Variants in ERC1 observed in about 807,000 individuals in gnomAD.
ERC1 encodes ELKS/RAB6-interacting/CAST family member 1.
A neutral mutation model predicts 132.0 loss-of-function variants in ERC1; 56 were observed. The ratio of observed to expected loss-of-function variants is 0.42; its 90% CI spans 0.34 to 0.53. ERC1 has a LOEUF of 0.53. Ranked by LOEUF, ERC1 falls within the 20% of genes least tolerant of loss-of-function variation. The pLI, the probability that ERC1 is intolerant of heterozygous loss-of-function variation, is 0.03. For synonymous variants in ERC1, 478 were observed against 476.1 expected (o/e 1.00, Z -0.05); for missense variants, 1,202 against 1,349.9 (o/e 0.89, Z 1.72).
intron 16 of ERC1, chr12:1,390,443 T>C (rs990034125): frequency 6.6e-6 from 1 of 152,176 alleles, no homozygotes; most frequent in Non-Finnish European, 1.5e-5. Context: ...ATTTTTCAAA[T>C]TGATAAAAGT....
chr12:1,273,908 A>AT (rs1253838606), intron 14 of ERC1, among the ~76,000 whole-genome samples: 2 of 152,246 alleles, frequency 1.3e-5, no homozygotes, highest in East Asian at 3.8e-4. Flanking sequence ...ATAGTTGGTC[A>AT]TTTTTTAAAT....
At chr12:1,195,465 G>A (rs1416420036) in intron 12 of ERC1, among the ~76,000 whole-genome samples, 1 of 152,138 alleles carries the variant, frequency 6.6e-6, no homozygotes, top group African/African-American at 2.4e-5. Flanking sequence ...AGCCAATCAG[G>A]ATAATAGCAT....
intron 1 of ERC1, among the ~76,000 whole-genome samples, chr12:1,005,306 A>T (rs1397733426): frequency 6.6e-6 from 1 of 151,768 alleles, no homozygotes; most frequent in Non-Finnish European, 1.5e-5. Flanking sequence ...GTGCACCACC[A>T]CACCCAGCTA....
rs111556537 is a variant in ERC1, at chr12:1,121,593, C to A, written c.1569+5560C>A. Among the ~76,000 whole-genome samples, 547 of 152,258 alleles carry A rather than the reference C, an allele frequency of 3.6e-3. 6 individuals carry two copies. Among genetic ancestry groups the A allele is most frequent in the African/African-American group, 9.9e-3 (413 of 41,536 alleles). On this transcript the variant is annotated intron_variant, in intron 7 of 18. Coordinates refer to ENST00000360905, the MANE Select transcript of ERC1 (RefSeq NM_178040.4). ...CGGTTTTGGGAGTACCTGCTGAGAA[C>A]CCTTCTGAGCACTGGGGATACAGTG...
intron 2 of ERC1, among the ~76,000 whole-genome samples, chr12:1,056,130 T>G (rs1739443559): frequency 6.6e-6 from 1 of 151,644 alleles, no homozygotes; most frequent in African/African-American, 2.4e-5. Flanking sequence ...TTAAAGGATA[T>G]CCATAAAATT....
At position 1,182,096 on chromosome 12, in the gene ERC1, T is replaced by C. The variant is rs199507267; in HGVS notation, c.2016+31T>C. On this transcript the variant is annotated intron_variant, in intron 10 of 18. Coordinates refer to ENST00000360905, the MANE Select transcript of ERC1 (RefSeq NM_178040.4). ...GCTCCCCAAAATGGAATTAGTTTGT[T>C]TGCTTAATCATTGCATGTGTCTGTA... 59 of 1,606,392 alleles carry C rather than the reference T, an allele frequency of 3.7e-5. No homozygotes were observed. The East Asian group carries it at 1.3e-3, about 36-fold the overall frequency.
chr12:1,344,678 TA>T (rs1449602514), intron 15 of ERC1, among the ~76,000 whole-genome samples: 79 of 152,192 alleles, frequency 5.2e-4, no homozygotes, highest in African/African-American at 1.9e-3. Flanking sequence ...CTGAGCTCTC[TA>T]GGAAAACTAA....
intron 13 of ERC1, among the ~76,000 whole-genome samples, chr12:1,243,409 A>G (rs982679746): frequency 6.6e-6 from 1 of 151,642 alleles, no homozygotes; most frequent in African/African-American, 2.4e-5. Flanking sequence ...CTGAGGTGCT[A>G]TGTAGGGATG....
chr12:1,345,003 A>G (rs1482740568), intron 15 of ERC1, among the ~76,000 whole-genome samples: 4 of 152,194 alleles, frequency 2.6e-5, no homozygotes, highest in Non-Finnish European at 5.9e-5. Context: ...ATAAAGAAAA[A>G]AACAGCCCCC....
chr12:1,095,506 C>G (rs1233841388), intron 3 of ERC1, among the ~76,000 whole-genome samples: 1 of 151,720 alleles, frequency 6.6e-6, no homozygotes, highest in African/African-American at 2.4e-5. Context: ...TATGGTCTAC[C>G]ACATTTGAAA....
chr12:1,429,886 A>G (rs2092742432), intron 17 of ERC1, among the ~76,000 whole-genome samples: 1 of 152,236 alleles, frequency 6.6e-6, no homozygotes, highest in Non-Finnish European at 1.5e-5. Context: ...TATGTCAATT[A>G]TCTGTTGCAG....
At chr12:1,077,731 A>G (rs1281938792) in intron 2 of ERC1, among the ~76,000 whole-genome samples, 2 of 152,176 alleles carry the variant, frequency 1.3e-5, no homozygotes, top group African/African-American at 2.4e-5. Flanking sequence ...AACTCAATGT[A>G]TCTGTTTTTG....
At position 1,094,415 on chromosome 12, in the gene ERC1, C is replaced by CTCTT. The variant is rs376372967; in HGVS notation, c.1087-10334_1087-10333insCTTT. 1.2e-4 allele frequency among the ~76,000 whole-genome samples: 17 copies of CTCTT among 137,992 alleles called. 1 individual carries two copies. The highest frequency in any genetic ancestry group is 1.6e-4 in the Non-Finnish European group (10 of 63,284). 90.5% of individuals were successfully genotyped at this position (137,992 alleles called of 152,430 possible). ...TTTATTTAAGTTATTCCTTCTCTCT[C>CTCTT]TTTTTTTTTTTTGGCAACAGAGTCT... On this transcript the variant is annotated intron_variant, in intron 3 of 18. Transcript: ENST00000360905.
chr12:1,481,032 G>C (rs1437009480), intron 18 of ERC1: 1 of 585,394 alleles, frequency 1.7e-6, no homozygotes, highest in African/African-American at 1.9e-5. Flanking sequence ...ATATACCTGA[G>C]ATAAAGTCTA....
chr12:1,190,513 T>C (rs1427205739), intron 12 of ERC1, among the ~76,000 whole-genome samples: 1 of 152,182 alleles, frequency 6.6e-6, no homozygotes, highest in Non-Finnish European at 1.5e-5. Flanking sequence ...AAGCACGCTG[T>C]TACTTCAGTG....
chr12:1,458,619 C>T (rs1224398127), intron 18 of ERC1, among the ~76,000 whole-genome samples: 3 of 151,720 alleles, frequency 2.0e-5, no homozygotes, highest in African/African-American at 7.3e-5. Flanking sequence ...ACCACAACCT[C>T]CACCTCCCAG....
intron 13 of ERC1, among the ~76,000 whole-genome samples, chr12:1,256,003 G>A (rs1397613334): frequency 1.3e-5 from 2 of 152,072 alleles, no homozygotes; most frequent in Non-Finnish European, 2.9e-5. Context: ...GACCAGTGAT[G>A]ATGAGCATTT....
intron 15 of ERC1, among the ~76,000 whole-genome samples, chr12:1,362,803 G>A (rs74057181): frequency 0.025 from 3,771 of 152,258 alleles, 169 homozygotes; most frequent in African/African-American, 0.087. Context: ...CAGTTGCACA[G>A]CAGTATCAGT....
chr12:999,059 C>T (rs1961591604), intron 1 of ERC1, among the ~76,000 whole-genome samples: 1 of 151,958 alleles, frequency 6.6e-6, no homozygotes, highest in South Asian at 2.1e-4. Context: ...GGGGTTTCAC[C>T]ATGTTGGCCA....
Sources: allele counts gnomAD v4.1 joint callset (sites outside exome capture counted in the v4.1 genomes callset), GRCh38; gene constraint gnomAD v4.1.1; transcripts MANE v1.5; gene names NCBI Gene and HGNC (gene_info 2026-07-23, HGNC 2026-07-21).